Variants in DLG2 observed in about 807,000 individuals in gnomAD.
DLG2 encodes disks large homolog 2.
DLG2 carries 45 observed loss-of-function variants against 132.5 expected under a neutral mutation model. The observed-to-expected ratio is 0.34, with a 90% CI of 0.27 to 0.44. The LOEUF is 0.44. Among genes scored for constraint, DLG2 ranks in the 20% least tolerant of loss-of-function variants. The probability of loss-of-function intolerance (pLI) is 1.00; values close to 1 mark genes in which losing one functional copy is unlikely to be tolerated. For missense variants in DLG2, 1,045 were observed against 1,196.9 expected (o/e 0.87, Z 1.87); for synonymous variants, 424 against 419.6 (o/e 1.01, Z -0.13).
chr11:85,296,555 C>T (rs1038213316), intron 3 of DLG2, among the ~76,000 whole-genome samples: 1 of 136,972 alleles, frequency 7.3e-6, no homozygotes, highest in African/African-American at 2.7e-5. Context: ...GTAAAGAATT[C>T]TACTCATAAA....
chr11:83,720,130 T>A (rs1314832709), intron 18 of DLG2, among the ~76,000 whole-genome samples: 3 of 150,764 alleles, frequency 2.0e-5, no homozygotes, highest in Non-Finnish European at 3.0e-5. Flanking sequence ...CCATCTCTAC[T>A]AAAAATACAA....
chr11:85,336,728 C>A (rs1013231967), intron 3 of DLG2, among the ~76,000 whole-genome samples: 2 of 152,184 alleles, frequency 1.3e-5, no homozygotes, highest in Non-Finnish European at 2.9e-5. Flanking sequence ...GGGGCAGGCC[C>A]AGATGAGCAG....
At chr11:84,430,596 T>C (rs990054736) in intron 7 of DLG2, among the ~76,000 whole-genome samples, 1 of 152,098 alleles carries the variant, frequency 6.6e-6, no homozygotes, top group African/African-American at 2.4e-5. Context: ...CTAGTCACAA[T>C]TTTACAGTGG....
intron 6 of DLG2, among the ~76,000 whole-genome samples, chr11:84,844,280 CT>C (rs998194431): frequency 7.3e-5 from 11 of 149,818 alleles, no homozygotes; most frequent in African/African-American, 2.4e-4. Context: ...ACACACATTA[CT>C]TTTTTTTGCA....
At chr11:85,111,804 A>T in intron 5 of DLG2, 69 bp from the exon 6 acceptor site, 2 of 1,179,396 alleles carry the variant, frequency 1.7e-6, no homozygotes, top group South Asian at 2.8e-5. Context: ...GCTAGCTGAC[A>T]TGTTTATTAT....
intron 6 of DLG2, among the ~76,000 whole-genome samples, chr11:85,066,795 A>G (rs2064995397): frequency 6.6e-6 from 1 of 151,804 alleles, no homozygotes; most frequent in Non-Finnish European, 1.5e-5. Flanking sequence ...GAGCTTCAAG[A>G]CAATAAAAGC....
At chr11:85,025,726 T>G (rs900802645) in intron 6 of DLG2, among the ~76,000 whole-genome samples, 1 of 152,130 alleles carries the variant, frequency 6.6e-6, no homozygotes, top group Admixed American at 6.5e-5. Context: ...AATAAGAAGG[T>G]TTTGTCTATT....
chr11:85,500,365 G>C (rs1413262748), intron 3 of DLG2, among the ~76,000 whole-genome samples: 14 of 127,322 alleles, frequency 1.1e-4, no homozygotes, highest in Non-Finnish European at 2.0e-4. Context: ...CACAGGAAGG[G>C]GAATATCACA....
At position 83,715,305 on chromosome 11, in the gene DLG2, G is replaced by T. The variant is rs73509272; in HGVS notation, c.1825+71385C>A. 1.0e-2 allele frequency among the ~76,000 whole-genome samples: 1,518 copies of T among 152,122 alleles called. 27 individuals are homozygous for T. The highest frequency in any genetic ancestry group is 0.033 in the African/African-American group (1,377 of 41,504). On this transcript the variant is annotated intron_variant, in intron 18 of 27. Transcript: ENST00000376104. ...ACTAGATATTAAATATACATAGATT[G>T]CACTGTGAATAATTTAATTTGATGT...
chr11:85,494,384 T>C (rs2093626469), intron 3 of DLG2, among the ~76,000 whole-genome samples: 1 of 152,194 alleles, frequency 6.6e-6, no homozygotes, highest in Non-Finnish European at 1.5e-5. Context: ...TCAGTGTGTC[T>C]AGTTATATAT....
intron 6 of DLG2, among the ~76,000 whole-genome samples, chr11:84,950,413 G>T (rs936649004): frequency 6.6e-6 from 1 of 152,112 alleles, no homozygotes; most frequent in Non-Finnish European, 1.5e-5. Context: ...ATATAACACA[G>T]ATCTATTCCT....
intron 6 of DLG2, among the ~76,000 whole-genome samples, chr11:84,694,666 A>G (rs889868956): frequency 2.6e-5 from 4 of 151,470 alleles, no homozygotes; most frequent in Non-Finnish European, 5.9e-5. Context: ...TTCTTCCAAA[A>G]CCCTTGGATG....
chr11:84,256,699 G>A (rs905380305), intron 7 of DLG2, among the ~76,000 whole-genome samples: 1 of 152,116 alleles, frequency 6.6e-6, no homozygotes, highest in African/African-American at 2.4e-5. Context: ...AAGATTTCTT[G>A]TCTATTTAGA....
intron 11 of DLG2, among the ~76,000 whole-genome samples, chr11:83,992,077 C>A (rs34859462): frequency 6.6e-6 from 1 of 152,122 alleles, no homozygotes; most frequent in South Asian, 2.1e-4. Context: ...CCACTAAAAG[C>A]TAGGGAAGAA....
At chr11:84,750,693 G>A (rs923955229) in intron 6 of DLG2, among the ~76,000 whole-genome samples, 1 of 152,052 alleles carries the variant, frequency 6.6e-6, no homozygotes, top group Admixed American at 6.6e-5. Flanking sequence ...ATGGATCAAG[G>A]TGTTTAACAT....
chr11:83,514,654 T>C (rs1054006067), intron 21 of DLG2, among the ~76,000 whole-genome samples: 4 of 152,198 alleles, frequency 2.6e-5, no homozygotes, highest in African/African-American at 7.2e-5. Context: ...CAGTATGATA[T>C]TGGCTGTGAG....
intron 11 of DLG2, among the ~76,000 whole-genome samples, chr11:84,044,976 C>T (rs1231447752): frequency 2.6e-5 from 4 of 151,722 alleles, no homozygotes; most frequent in African/African-American, 9.7e-5. Flanking sequence ...TGCTCCACTG[C>T]TTCTTTTGTC....
chr11:84,987,101 A>C (rs1205723240), intron 6 of DLG2, among the ~76,000 whole-genome samples: 1 of 152,202 alleles, frequency 6.6e-6, no homozygotes, highest in African/African-American at 2.4e-5. Flanking sequence ...TATCAGTAGC[A>C]CTTCTGTACA....
At chr11:85,015,455 A>C (rs1305323465) in intron 6 of DLG2, among the ~76,000 whole-genome samples, 1 of 151,652 alleles carries the variant, frequency 6.6e-6, no homozygotes, top group Admixed American at 6.6e-5. Context: ...AAAAAAGCCA[A>C]CTAGCTTTCC....
Sources: allele counts gnomAD v4.1 joint callset (sites outside exome capture counted in the v4.1 genomes callset), GRCh38; gene constraint gnomAD v4.1.1; transcripts MANE v1.5; gene names NCBI Gene and HGNC (gene_info 2026-07-23, HGNC 2026-07-21).